The following MALRD1 variants were observed in gnomAD, a reference collection of about 807,000 sequenced individuals.
MALRD1 encodes MAM and LDL receptor class A domain containing 1.
In MALRD1, 247 loss-of-function variants were observed where a neutral mutation model predicts 242.1. The observed-to-expected ratio is 1.02, with a 90% CI of 0.92 to 1.13. The LOEUF is 1.13. Ranked by LOEUF, MALRD1 falls within the 50% of genes most tolerant of loss-of-function variation. The pLI is 0.00. For missense variants in MALRD1, 2,989 were observed against 2,533.1 expected (o/e 1.18, Z -3.86); for synonymous variants, 995 against 866.6 (o/e 1.15, Z -2.60).
At chr10:19,347,738 T>G in intron 24 of MALRD1, 33 bp from the exon 25 acceptor site, 2 of 1,545,336 alleles carry the variant, frequency 1.3e-6, no homozygotes. Context: ...AAATTTCCAT[T>G]TTCTGTAACA....
chr10:19,271,135 A>G (rs1052297427), intron 19 of MALRD1, among the ~76,000 whole-genome samples: 5 of 152,198 alleles, frequency 3.3e-5, no homozygotes, highest in Admixed American at 3.3e-4. Context: ...TTCTAGATAC[A>G]TAAGGAGAAA....
chr10:19,303,248 A>C (rs1842027742), intron 21 of MALRD1, among the ~76,000 whole-genome samples: 1 of 151,738 alleles, frequency 6.6e-6, no homozygotes, highest in Non-Finnish European at 1.5e-5. Context: ...AACAATATAA[A>C]TATCTGAGAA....
chr10:19,586,958 C>T (rs766561699), intron 33 of MALRD1, among the ~76,000 whole-genome samples: 14 of 152,322 alleles, frequency 9.2e-5, no homozygotes, highest in East Asian at 1.9e-4. Context: ...GTCGGAAAAG[C>T]GCAGTATTTG....
intron 36 of MALRD1, among the ~76,000 whole-genome samples, chr10:19,661,550 C>T (rs974283805): frequency 6.6e-6 from 1 of 152,234 alleles, no homozygotes; most frequent in East Asian, 1.9e-4. Flanking sequence ...AAACCAAACG[C>T]TGCATGTTCT....
chr10:19,443,021 T>A (rs1834758169), intron 28 of MALRD1, among the ~76,000 whole-genome samples: 1 of 152,208 alleles, frequency 6.6e-6, no homozygotes, highest in Non-Finnish European at 1.5e-5. Context: ...TATTCAGGGA[T>A]TCAACTTCTT....
chr10:19,594,560 G>C (rs1345860338), intron 33 of MALRD1, among the ~76,000 whole-genome samples: 2 of 152,128 alleles, frequency 1.3e-5, no homozygotes, highest in Non-Finnish European at 2.9e-5. Context: ...ACAATTCACA[G>C]TTGCAAAGAT....
intron 13 of MALRD1, among the ~76,000 whole-genome samples, chr10:19,172,135 A>G (rs1835037568): frequency 6.8e-6 from 1 of 146,540 alleles, no homozygotes; most frequent in African/African-American, 2.5e-5. Flanking sequence ...ATACACATAT[A>G]TACACATACA....
chr10:19,187,939 A>C (rs2131577842), intron 14 of MALRD1, among the ~76,000 whole-genome samples: 1 of 152,288 alleles, frequency 6.6e-6, no homozygotes, highest in East Asian at 1.9e-4. Flanking sequence ...ACATGTATTC[A>C]CTATATCTAA....
At chr10:19,592,158 C>T (rs183635442) in intron 33 of MALRD1, among the ~76,000 whole-genome samples, 2 of 152,262 alleles carry the variant, frequency 1.3e-5, no homozygotes, top group East Asian at 3.9e-4. Context: ...AGTCAGGTTC[C>T]CTGGGAAGCT....
intron 21 of MALRD1, among the ~76,000 whole-genome samples, chr10:19,298,191 G>A (rs1841792861): frequency 6.6e-6 from 1 of 151,924 alleles, no homozygotes; most frequent in Admixed American, 6.6e-5. Flanking sequence ...ATGGGAAGAA[G>A]GACCAAGCCT....
chr10:19,691,742 T>C (rs1056395201), intron 36 of MALRD1, among the ~76,000 whole-genome samples: 1 of 152,176 alleles, frequency 6.6e-6, no homozygotes, highest in Non-Finnish European at 1.5e-5. Context: ...GGAACCCTTG[T>C]AAGTGTCTGA....
intron 32 of MALRD1, among the ~76,000 whole-genome samples, chr10:19,556,800 G>T (rs913230250): frequency 1.3e-5 from 2 of 152,238 alleles, no homozygotes; most frequent in East Asian, 1.9e-4. Context: ...TGGTTCACAT[G>T]GTAAGAGTAT....
At chr10:19,509,128 T>A (rs1160399148) in intron 31 of MALRD1, among the ~76,000 whole-genome samples, 1 of 152,150 alleles carries the variant, frequency 6.6e-6, no homozygotes, top group Non-Finnish European at 1.5e-5. Context: ...TCCTAATAAT[T>A]AAACATTATT....
chr10:19,690,403 C>T (rs1225230425), intron 36 of MALRD1, among the ~76,000 whole-genome samples: 1 of 151,922 alleles, frequency 6.6e-6, no homozygotes, highest in Non-Finnish European at 1.5e-5. Context: ...GATTCCAATT[C>T]CTTTGTTTTA....
intron 14 of MALRD1, among the ~76,000 whole-genome samples, chr10:19,202,797 T>C (rs1836599637): frequency 6.6e-6 from 1 of 152,186 alleles, no homozygotes; most frequent in South Asian, 2.1e-4. Flanking sequence ...CTTTACTTTT[T>C]TTTTCAATCT....
In MALRD1 at chr10:19,318,993, A is replaced by G. The variant is rs1842814842; in HGVS notation, c.3420-4956A>G. 3.3e-5 allele frequency among the ~76,000 whole-genome samples: 5 copies of G among 151,816 alleles called. No individual in the cohort carries two copies. The Admixed American group carries it at 3.3e-4, about 10-fold the overall frequency. ...CAGACATACACACACACACACACAC[A>G]CACACACACACAGTTGAACATCTGG... On this transcript the variant is annotated intron_variant, in intron 21 of 39. Transcript: ENST00000454679.
chr10:19,216,207 TC>T (rs947212841), intron 18 of MALRD1, among the ~76,000 whole-genome samples: 10 of 147,216 alleles, frequency 6.8e-5, no homozygotes, highest in Non-Finnish European at 1.2e-4. Context: ...AACCTCTGCC[TC>T]CCAAGGTCAA....
At chr10:19,226,148 A>C (rs959577988) in intron 18 of MALRD1, among the ~76,000 whole-genome samples, 4 of 152,200 alleles carry the variant, frequency 2.6e-5, no homozygotes, top group Admixed American at 1.3e-4. Flanking sequence ...TAAAAATGAT[A>C]ATGTGTTTTA....
At chr10:19,077,452 G>A (rs1174597794) in intron 2 of MALRD1, among the ~76,000 whole-genome samples, 1 of 151,890 alleles carries the variant, frequency 6.6e-6, no homozygotes, top group Admixed American at 6.6e-5. Flanking sequence ...CAATAATAGA[G>A]ACAGTCAGGA....
Sources: allele counts gnomAD v4.1 joint callset (sites outside exome capture counted in the v4.1 genomes callset), GRCh38; gene constraint gnomAD v4.1.1; transcripts MANE v1.5; gene names NCBI Gene and HGNC (gene_info 2026-07-23, HGNC 2026-07-21).